The following ALCAM variants were observed in gnomAD, a reference collection of about 807,000 sequenced individuals.
The protein encoded by ALCAM is CD166 antigen.
In ALCAM, 30 loss-of-function variants were observed where a neutral mutation model predicts 70.9. The observed-to-expected ratio is 0.42, with a 90% CI of 0.32 to 0.57. ALCAM has a LOEUF of 0.57. Among genes scored for constraint, ALCAM ranks in the 20% least tolerant of loss-of-function variants. The pLI, the probability that ALCAM is intolerant of heterozygous loss-of-function variation, is 0.11. For missense variants in ALCAM, 591 were observed against 695.1 expected (o/e 0.85, Z 1.68); for synonymous variants, 249 against 242.5 (o/e 1.03, Z -0.25).
intron 15 of ALCAM, among the ~76,000 whole-genome samples, chr3:105,574,177 T>C (rs1156989565): frequency 6.6e-6 from 1 of 152,150 alleles, no homozygotes; most frequent in African/African-American, 2.4e-5. Flanking sequence ...AATAGTGTGA[T>C]TTGAAGAAAT....
intron 7 of ALCAM, 126 bp downstream of exon 7, chr3:105,540,228 C>A: frequency 2.1e-6 from 2 of 961,502 alleles, no homozygotes; most frequent in Non-Finnish European, 2.9e-6. Flanking sequence ...TATAAAATGT[C>A]ACGTGGAAGC....
chr3:105,502,918 C>T (rs1272043628), intron 1 of ALCAM, among the ~76,000 whole-genome samples: 5 of 152,296 alleles, frequency 3.3e-5, no homozygotes, highest in African/African-American at 1.2e-4. Context: ...TCAGAAACTT[C>T]TCTTAAAAAG....
intron 6 of ALCAM, among the ~76,000 whole-genome samples, chr3:105,539,539 A>T (rs1174391642): frequency 6.6e-6 from 1 of 152,036 alleles, no homozygotes. Flanking sequence ...TTTATTTCAT[A>T]TGAAGTATTA....
chr3:105,548,589 A>G lies in ALCAM; in HGVS notation c.1374+1066A>G, dbSNP rs1448835584. ...TGCAAAGTGGATTTTGGCTCTTTCA[A>G]CTATAGGTGATGCATATATAGCTGC... On this transcript the variant is annotated intron_variant, in intron 11 of 15. Transcript: ENST00000306107. Among the ~76,000 whole-genome samples the G allele has an allele frequency of 2.0e-5, 3 of 151,532 alleles. 1 individual carries two copies. The highest frequency in any genetic ancestry group is 4.1e-4 in the South Asian group (2 of 4,824).
intron 1 of ALCAM, among the ~76,000 whole-genome samples, chr3:105,475,057 C>T (rs1193037226): frequency 1.3e-5 from 2 of 151,714 alleles, no homozygotes; most frequent in East Asian, 1.9e-4. Context: ...TCATACAGTT[C>T]GAATATATAG....
chr3:105,538,481 G>A (rs909838684), intron 6 of ALCAM, among the ~76,000 whole-genome samples: 1 of 152,136 alleles, frequency 6.6e-6, no homozygotes, highest in African/African-American at 2.4e-5. Flanking sequence ...AAACGCAAAT[G>A]TGTTACATTA....
intron 1 of ALCAM, among the ~76,000 whole-genome samples, chr3:105,395,824 T>A (rs759109086): frequency 7.2e-5 from 11 of 152,058 alleles, no homozygotes; most frequent in Non-Finnish European, 1.2e-4. Context: ...TTCTTTCTTT[T>A]CATTTGCCTT....
chr3:105,569,461 C>T (rs1229616223), intron 14 of ALCAM, among the ~76,000 whole-genome samples: 1 of 152,008 alleles, frequency 6.6e-6, no homozygotes. Flanking sequence ...TAATTTTGTG[C>T]AGAACTATCT....
At chr3:105,532,421 G>A (rs929267440) in intron 4 of ALCAM, among the ~76,000 whole-genome samples, 2 of 152,136 alleles carry the variant, frequency 1.3e-5, no homozygotes, top group Non-Finnish European at 2.9e-5. Flanking sequence ...TGTACAGCAT[G>A]GCAAGACCTT....
intron 12 of ALCAM, 83 bp downstream of exon 12, chr3:105,550,342 C>A: frequency 7.6e-7 from 1 of 1,307,410 alleles, no homozygotes; most frequent in Non-Finnish European, 1.1e-6. Flanking sequence ...ATTCCATCTT[C>A]CTGTACTGCA....
chr3:105,485,316 T>C (rs1405026618), intron 1 of ALCAM, among the ~76,000 whole-genome samples: 2 of 151,950 alleles, frequency 1.3e-5, no homozygotes, highest in Non-Finnish European at 2.9e-5. Flanking sequence ...CTTATTATAG[T>C]CCTGAAAGAA....
intron 1 of ALCAM, among the ~76,000 whole-genome samples, chr3:105,478,403 C>T (rs1938179138): frequency 6.6e-6 from 1 of 152,090 alleles, no homozygotes; most frequent in Non-Finnish European, 1.5e-5. Context: ...GTTCTCTCCT[C>T]TCCAGGATTC....
chr3:105,507,820 T>G (rs1430111688), intron 1 of ALCAM, among the ~76,000 whole-genome samples: 1 of 152,184 alleles, frequency 6.6e-6, no homozygotes, highest in Non-Finnish European at 1.5e-5. Context: ...ACACAGGTCT[T>G]TAAGTTAGAA....
chr3:105,417,912 T>G (rs1936545484), intron 1 of ALCAM, among the ~76,000 whole-genome samples: 1 of 151,580 alleles, frequency 6.6e-6, no homozygotes, highest in African/African-American at 2.4e-5. Flanking sequence ...AATGGAGGAC[T>G]TACTGCCCCT....
intron 1 of ALCAM, among the ~76,000 whole-genome samples, chr3:105,425,334 G>A (rs920498983): frequency 2.0e-5 from 3 of 151,644 alleles, no homozygotes; most frequent in African/African-American, 7.3e-5. Flanking sequence ...ATATACCTAG[G>A]CTTGAGCAGG....
intron 1 of ALCAM, among the ~76,000 whole-genome samples, chr3:105,387,561 T>A (rs1233553907): frequency 6.6e-6 from 1 of 151,680 alleles, no homozygotes; most frequent in Non-Finnish European, 1.5e-5. Flanking sequence ...GTAAATAGTC[T>A]GCGTCACTAA....
chr3:105,503,436 C>T (rs560652678), intron 1 of ALCAM, among the ~76,000 whole-genome samples: 1 of 152,142 alleles, frequency 6.6e-6, no homozygotes. Context: ...AGGCTCATAT[C>T]GATTCTACTT....
intron 3 of ALCAM, chr3:105,525,438 C>T (rs186804623): frequency 4.8e-5 from 40 of 824,876 alleles, no homozygotes; most frequent in East Asian, 1.2e-4. Context: ...CTACAGGGAA[C>T]GAAACAGGTC....
At chr3:105,570,511 T>C (rs1940837553) in intron 14 of ALCAM, among the ~76,000 whole-genome samples, 1 of 151,968 alleles carries the variant, frequency 6.6e-6, no homozygotes, top group Non-Finnish European at 1.5e-5. Flanking sequence ...ACACACAGAC[T>C]GAAGCACAGA....
Sources: gnomAD v4.1 joint callset for allele counts (sites outside exome capture counted in the v4.1 genomes callset) on GRCh38, gnomAD v4.1.1 for gene constraint, MANE v1.5 for transcripts, NCBI Gene and HGNC (gene_info 2026-07-23, HGNC 2026-07-21) for gene names.